The following PLCG2 variants were observed in gnomAD, a reference collection of about 807,000 sequenced individuals.
The protein encoded by PLCG2 is 1-phosphatidylinositol 4,5-bisphosphate phosphodiesterase gamma-2.
A neutral mutation model predicts 175.6 loss-of-function variants in PLCG2; 69 were observed. That is an observed-to-expected ratio of 0.39 (90% CI 0.32 to 0.48). The LOEUF is 0.48. Among genes scored for constraint, PLCG2 ranks in the 20% least tolerant of loss-of-function variants. The pLI, the probability that PLCG2 is intolerant of heterozygous loss-of-function variation, is 0.91. For synonymous variants in PLCG2, 827 were observed against 624.0 expected (o/e 1.33, Z -4.85); for missense variants, 1,798 against 1,650.9 (o/e 1.09, Z -1.54).
At chr16:81,914,971 G>C (rs1909781076) in intron 19 of PLCG2, among the ~76,000 whole-genome samples, 1 of 152,090 alleles carries the variant, frequency 6.6e-6, no homozygotes. Flanking sequence ...TGTCTGTCTG[G>C]GACCCTAAGT....
At chr16:81,794,617 A>G (rs2143214462) in intron 2 of PLCG2, among the ~76,000 whole-genome samples, 1 of 152,334 alleles carries the variant, frequency 6.6e-6, no homozygotes, top group East Asian at 1.9e-4. Context: ...CTTATCTATA[A>G]AATGAGAATA....
chr16:81,938,637 C>G (rs1464792874), intron 28 of PLCG2, 164 bp from the exon 29 acceptor site: 2 of 600,152 alleles, frequency 3.3e-6, no homozygotes, highest in Non-Finnish European at 5.9e-6. Context: ...CACAGTCCAC[C>G]TTCATCCACT....
intron 10 of PLCG2, among the ~76,000 whole-genome samples, chr16:81,890,476 T>A (rs1908578419): frequency 6.6e-6 from 1 of 152,214 alleles, no homozygotes; most frequent in Non-Finnish European, 1.5e-5. Context: ...GGAAAGGCAG[T>A]TTCATAGCCC....
intron 11 of PLCG2, among the ~76,000 whole-genome samples, chr16:81,892,220 C>G (rs927849508): frequency 1.3e-5 from 2 of 152,214 alleles, no homozygotes; most frequent in Non-Finnish European, 1.5e-5. Flanking sequence ...GGGAGGAAGG[C>G]AGGTCCTGCT....
At chr16:81,918,891 C>T (rs924808065) in intron 19 of PLCG2, among the ~76,000 whole-genome samples, 1 of 115,542 alleles carries the variant, frequency 8.7e-6, no homozygotes, top group African/African-American at 3.6e-5. Context: ...GAATGAAAGA[C>T]TTGTTTCTTT....
chr16:81,794,748 A>G (rs1434074616), intron 2 of PLCG2, among the ~76,000 whole-genome samples: 1 of 152,212 alleles, frequency 6.6e-6, no homozygotes, highest in Non-Finnish European at 1.5e-5. Context: ...GCTGTCGTTG[A>G]TGTCATCATT....
chr16:81,882,378 G>T (rs903117948), intron 8 of PLCG2, among the ~76,000 whole-genome samples: 3 of 152,016 alleles, frequency 2.0e-5, no homozygotes, highest in African/African-American at 7.2e-5. Flanking sequence ...AGTTAATTTT[G>T]CCCTGATGGC....
chr16:81,748,293 G>C (rs1003904668), intron 1 of PLCG2, among the ~76,000 whole-genome samples: 1 of 152,112 alleles, frequency 6.6e-6, no homozygotes, highest in African/African-American at 2.4e-5. Flanking sequence ...AGGAGGCTGA[G>C]GCATGAGAAT....
Position 81,918,337 on chromosome 16 carries a change from A to T in PLCG2, c.2055-1147A>T, listed in dbSNP as rs150418160. On this transcript the variant is annotated intron_variant, in intron 19 of 32. Transcript: ENST00000564138. ...TAGTAGTTTTACAGTTTCAGGTCTT[A>T]TGTTTAAGTCTTTAATCCATTTTGA... Among the ~76,000 whole-genome samples, 555 of 152,244 alleles carry T rather than the reference A, an allele frequency of 3.6e-3. 1 individual carries two copies. Among genetic ancestry groups the T allele is most frequent in the African/African-American group, 0.013 (520 of 41,570 alleles).
chr16:81,955,740 G>A (rs1414759286), intron 31 of PLCG2, among the ~76,000 whole-genome samples: 1 of 152,160 alleles, frequency 6.6e-6, no homozygotes, highest in African/African-American at 2.4e-5. Context: ...GAGCACCAAC[G>A]AAAGTCCCAC....
chr16:81,778,049 A>ACAAACAAACAAAC (rs1597311867), upstream of PLCG2, among the ~76,000 whole-genome samples: 9 of 104,352 alleles, frequency 8.6e-5, no homozygotes, highest in African/African-American at 1.9e-4. Flanking sequence ...AAAACAAAAA[A>ACAAACAAACAAAC]AAAAACAAAA....
chr16:81,883,958 T>C (rs959426134), intron 9 of PLCG2, among the ~76,000 whole-genome samples: 2 of 152,162 alleles, frequency 1.3e-5, no homozygotes, highest in African/African-American at 4.8e-5. Context: ...TGGGTGCGTG[T>C]CACAGCGGGA....
intron 13 of PLCG2, among the ~76,000 whole-genome samples, chr16:81,899,771 G>C (rs1481362128): frequency 1.3e-5 from 2 of 152,172 alleles, no homozygotes; most frequent in African/African-American, 4.8e-5. Flanking sequence ...GCTTGGTTCA[G>C]GCACGAATTA....
intron 3 of PLCG2, 146 bp from the exon 4 acceptor site, chr16:81,858,116 TG>T (rs1308270628): frequency 3.0e-6 from 2 of 655,750 alleles, no homozygotes; most frequent in Non-Finnish European, 5.6e-6. Context: ...CATGACGGTG[TG>T]AAAGGGGATG....
rs1290833836 is a variant in PLCG2 at position 81,961,401 on chromosome 16, G to C, written c.*3403G>C. On this transcript the variant is annotated 3_prime_UTR_variant, in exon 33 of 33. Coordinates refer to ENST00000564138, the MANE Select transcript of PLCG2 (RefSeq NM_002661.5). Reference sequence around the variant, plus strand: ...TACATTTCCAAAGAAGTTTTACTATGTTTAATAATTTAGTGAAATTTGGGC... The same window carrying C: ...TACATTTCCAAAGAAGTTTTACTATCTTTAATAATTTAGTGAAATTTGGGC... 4.4e-6 allele frequency: 1 copy of C among 226,682 alleles called. No individual in the cohort carries two copies. The highest frequency in any genetic ancestry group is 8.8e-6 in the Non-Finnish European group (1 of 114,140). The allele number at this position is 226,682 out of a possible 1,614,324, so 14.0% of individuals were successfully genotyped here.
At chr16:81,772,455 G>A (rs761449435) in intron 2 of PLCG2, among the ~76,000 whole-genome samples, 5 of 151,986 alleles carry the variant, frequency 3.3e-5, no homozygotes, top group Middle Eastern at 3.4e-3. Flanking sequence ...AATTTGTTAC[G>A]GCAGCCTTTG....
At chr16:81,899,520 C>A (rs117261090) in intron 13 of PLCG2, among the ~76,000 whole-genome samples, 1 of 152,168 alleles carries the variant, frequency 6.6e-6, no homozygotes, top group Non-Finnish European at 1.5e-5. Context: ...GAGACTCATG[C>A]GATGCACACG....
At chr16:81,903,726 G>T (rs959400930) in intron 14 of PLCG2, among the ~76,000 whole-genome samples, 2 of 152,178 alleles carry the variant, frequency 1.3e-5, no homozygotes, top group African/African-American at 4.8e-5. Context: ...CAGCCTGGTT[G>T]CATGTGCTCT....
At chr16:81,743,752 G>A (rs1909646201) in intron 1 of PLCG2, among the ~76,000 whole-genome samples, 2 of 152,194 alleles carry the variant, frequency 1.3e-5, no homozygotes, top group African/African-American at 2.4e-5. Context: ...GGAGAGTGGC[G>A]AGATGAAGAA....
Sources: gnomAD v4.1 joint callset for allele counts (sites outside exome capture counted in the v4.1 genomes callset) on GRCh38, gnomAD v4.1.1 for gene constraint, MANE v1.5 for transcripts, NCBI Gene and HGNC (gene_info 2026-07-23, HGNC 2026-07-21) for gene names.